Variants in ZNF558 observed in about 807,000 individuals in gnomAD.
ZNF558 encodes the protein zinc finger protein 558.
In ZNF558, 23 loss-of-function variants were observed where a neutral mutation model predicts 37.6. That is an observed-to-expected ratio of 0.61 (90% CI 0.44 to 0.87). The LOEUF is 0.87. ZNF558 is among the 40% of genes least tolerant of loss of function. ZNF558 has a pLI of 0.00. For missense variants in ZNF558, 429 were observed against 483.7 expected, an observed-to-expected ratio of 0.89 and a Z score of 1.06; for synonymous variants, 189 against 174.4, an observed-to-expected ratio of 1.08 and a Z score of -0.66.
chr19:8,818,556 T>G (rs1020087450), intron 7 of ZNF558, among the ~76,000 whole-genome samples: 13 of 149,196 alleles, frequency 8.7e-5, no homozygotes, highest in African/African-American at 3.4e-4. Flanking sequence ...AAATTCTGAG[T>G]TTTTTTTCCT....
chr19:8,820,775 C>T (rs1416117853), intron 7 of ZNF558, among the ~76,000 whole-genome samples: 1 of 152,086 alleles, frequency 6.6e-6, no homozygotes, highest in Non-Finnish European at 1.5e-5. Flanking sequence ...CACACCTGGC[C>T]CATAGCTAAG....
upstream of ZNF558, among the ~76,000 whole-genome samples, chr19:8,832,816 C>A (rs2145330829): frequency 6.6e-6 from 1 of 151,988 alleles, no homozygotes; most frequent in African/African-American, 2.4e-5. Context: ...TGAGCGGGAA[C>A]CAGGCTGTGG....
At chr19:8,830,337 C>T (rs2044321246) in intron 2 of ZNF558, among the ~76,000 whole-genome samples, 2 of 152,078 alleles carry the variant, frequency 1.3e-5, no homozygotes, top group African/African-American at 4.8e-5. Context: ...TTCTTTATAG[C>T]AGTGTGAAAA....
intron 7 of ZNF558, 108 bp downstream of exon 7, chr19:8,821,072 G>T: frequency 1.4e-6 from 2 of 1,471,300 alleles, no homozygotes; most frequent in South Asian, 2.8e-5. Context: ...GGTTAAAAAT[G>T]GTGAATTTTA....
chr19:8,816,755 T>C (rs2043948977), intron 7 of ZNF558, among the ~76,000 whole-genome samples: 1 of 152,182 alleles, frequency 6.6e-6, no homozygotes, highest in Non-Finnish European at 1.5e-5. Context: ...GAGGTGAATA[T>C]AAAAGTCACT....
chr19:8,828,834 G>A (rs1481624979), intron 2 of ZNF558, among the ~76,000 whole-genome samples: 4 of 152,070 alleles, frequency 2.6e-5, no homozygotes. Flanking sequence ...GTGGTGGTAT[G>A]TGCCTGTAAT....
At chr19:8,812,167 T>C in intron 9 of ZNF558, 104 bp from the exon 10 acceptor site, 3 of 1,147,184 alleles carry the variant, frequency 2.6e-6, no homozygotes, top group Non-Finnish European at 3.5e-6. Context: ...ATTATTATAA[T>C]TGATATTTTG....
Position 8,806,996 on chromosome 19 carries a change from C to G in ZNF558, c.*4285G>C, listed in dbSNP as rs1162874883. On this transcript the variant is annotated 3_prime_UTR_variant, in exon 10 of 10. Transcript: ENST00000601372. ...GTTTGTCCATGTTTCCTCCATTTCC[C>G]TTAACATATTATTCTTGGTTATTTT... 1 of 152,160 alleles carries G rather than the reference C, an allele frequency of 6.6e-6. No homozygotes were observed. The highest frequency in any genetic ancestry group is 1.5e-5 in the Non-Finnish European group (1 of 68,042). 9.4% of individuals were successfully genotyped at this position (152,160 alleles called of 1,614,324 possible).
At chr19:8,813,882 CT>C (rs1201100035) in intron 7 of ZNF558, among the ~76,000 whole-genome samples, 6 of 152,204 alleles carry the variant, frequency 3.9e-5, no homozygotes, top group Non-Finnish European at 2.9e-5. Flanking sequence ...GAATTAGAGA[CT>C]GCCCATGAGG....
At chr19:8,828,314 C>A (rs1435026979) in intron 2 of ZNF558, among the ~76,000 whole-genome samples, 1 of 152,184 alleles carries the variant, frequency 6.6e-6, no homozygotes, top group African/African-American at 2.4e-5. Flanking sequence ...CTTTCAGAGG[C>A]TGGGACTCCC....
Position 8,822,299 on chromosome 19 carries a change from T to C in ZNF558, c.32-208A>G, listed in dbSNP as rs1327603131. On this transcript the variant is annotated intron_variant, in intron 5 of 9. Coordinates refer to ENST00000601372, the MANE Select transcript of ZNF558 (RefSeq NM_144693.3). The surrounding 1 kb of genome is among the most constrained non-coding windows in gnomAD (Gnocchi z 4.4). ...CAACCAAAGACAATAGGGCTCAAGG[T>C]CTGACTGCACTTGGGGAAGGGATTA... 6.6e-6 allele frequency among the ~76,000 whole-genome samples: 1 copy of C among 152,112 alleles called. No individual in the cohort carries two copies. The highest frequency in any genetic ancestry group is 2.4e-5 in the African/African-American group (1 of 41,408).
At chr19:8,815,523 A>G (rs173653) in intron 7 of ZNF558, among the ~76,000 whole-genome samples, 124,452 of 152,086 alleles carry the variant, frequency 0.82, 51,413 homozygotes, top group South Asian at 0.91. Context: ...TGGCTCATGT[A>G]TAATCCCAGC....
At chr19:8,828,363 C>T (rs2044278784) in intron 2 of ZNF558, among the ~76,000 whole-genome samples, 4 of 152,130 alleles carry the variant, frequency 2.6e-5, no homozygotes, top group Admixed American at 2.6e-4. Context: ...GGCTCAGAGA[C>T]CCCAGATAAG....
At chr19:8,835,034 A>G (rs974448876), upstream of ZNF558, among the ~76,000 whole-genome samples, 5 of 152,058 alleles carry the variant, frequency 3.3e-5, no homozygotes, top group African/African-American at 1.2e-4. Context: ...TACCCAATTA[A>G]AAGTGAACAA....
At position 8,824,908 on chromosome 19, in the gene ZNF558, C is replaced by G. The variant is rs2044196407; in HGVS notation, c.-402+94G>C. On this transcript the variant is annotated intron_variant, in intron 3 of 9. Transcript: ENST00000601372. ...TCCCAGCCACAGCTCTTCACTCTGT[C>G]CCCTTTCCTGAGTCCTCACACGGTG... is the stretch of plus-strand genomic sequence containing the variant. 2 of 152,580 alleles carry G rather than the reference C, an allele frequency of 1.3e-5. 1 individual carries two copies. The highest frequency in any genetic ancestry group is 4.1e-4 in the South Asian group (2 of 4,832). 9.5% of individuals were successfully genotyped at this position (152,580 alleles called of 1,614,324 possible). A position where few individuals can be genotyped will look rare whatever the true frequency, so the allele number is the denominator to read the frequency against.
intron 8 of ZNF558, 152 bp from the exon 9 acceptor site, chr19:8,812,795 A>G (rs1409114725): frequency 3.6e-6 from 2 of 556,354 alleles, no homozygotes; most frequent in Non-Finnish European, 6.2e-6. Flanking sequence ...TTAATTTTAA[A>G]AAAGGATTCT....
intron 2 of ZNF558, among the ~76,000 whole-genome samples, chr19:8,827,018 C>T (rs1184709289): frequency 6.6e-6 from 1 of 152,098 alleles, no homozygotes; most frequent in African/African-American, 2.4e-5. Flanking sequence ...TGGCCTCCAG[C>T]CAGCTCACTG....
chr19:8,834,993 T>C (rs11669828), upstream of ZNF558, among the ~76,000 whole-genome samples: 26,019 of 151,438 alleles, frequency 0.17, 2,771 homozygotes, highest in East Asian at 0.28. Context: ...ATTCAAAATA[T>C]ATAAAGGCTT....
intron 2 of ZNF558, among the ~76,000 whole-genome samples, chr19:8,828,093 G>A (rs2044272379): frequency 6.6e-6 from 1 of 152,170 alleles, no homozygotes; most frequent in African/African-American, 2.4e-5. Context: ...TCAGGGGCCT[G>A]TGAACCCCAA....
Sources: gnomAD v4.1 joint callset for allele counts (sites outside exome capture counted in the v4.1 genomes callset) on GRCh38, gnomAD v4.1.1 for gene constraint, Gnocchi (gnomAD v3.1) non-coding constraint, MANE v1.5 for transcripts, NCBI Gene and HGNC (gene_info 2026-07-23, HGNC 2026-07-21) for gene names.